The following ADGRL3 variants were observed in gnomAD, a reference collection of about 807,000 sequenced individuals.
ADGRL3 encodes the protein calcium-independent alpha-latrotoxin receptor 3.
In ADGRL3, 62 loss-of-function variants were observed where a neutral mutation model predicts 153.5. The observed-to-expected ratio is 0.40, with a 90% CI of 0.33 to 0.50. The LOEUF is 0.50. Among genes scored for constraint, ADGRL3 ranks in the 20% least tolerant of loss-of-function variants. The pLI, the probability that ADGRL3 is intolerant of heterozygous loss-of-function variation, is 0.47. For synonymous variants in ADGRL3, 710 were observed against 672.5 expected (o/e 1.06, Z -0.86); for missense variants, 1,641 against 1,859.4 (o/e 0.88, Z 2.16).
chr4:61,453,895 T>G lies in ADGRL3; in HGVS notation c.-173-43226T>G, dbSNP rs183427671. ...TAGTGGCACTAGGAACAATATTATCTGAGAGTTGCCTAAGTACCTGTCCAC... is the reference window on the plus strand; with the variant it reads ...TAGTGGCACTAGGAACAATATTATCGGAGAGTTGCCTAAGTACCTGTCCAC... On this transcript the variant is annotated intron_variant, in intron 2 of 26. Transcript: ENST00000683033. Among the ~76,000 whole-genome samples, 155 of 152,198 alleles carry G rather than the reference T, an allele frequency of 1.0e-3. 2 individuals carry two copies. The highest frequency in any genetic ancestry group is 3.6e-3 in the African/African-American group (150 of 41,558).
chr4:61,342,019 A>T, intron 1 of ADGRL3, among the ~76,000 whole-genome samples: 1 of 152,292 alleles, frequency 6.6e-6, no homozygotes, highest in South Asian at 2.1e-4. Context: ...TTGGATTATA[A>T]AATAATGTAT....
At chr4:61,857,246 A>C (rs578003665) in intron 9 of ADGRL3, among the ~76,000 whole-genome samples, 2 of 151,896 alleles carry the variant, frequency 1.3e-5, no homozygotes, top group East Asian at 3.9e-4. Context: ...CTAATTTCTT[A>C]ATCATGCTGG....
At chr4:61,741,138 C>G (rs956993993) in intron 8 of ADGRL3, among the ~76,000 whole-genome samples, 1 of 152,158 alleles carries the variant, frequency 6.6e-6, no homozygotes, top group African/African-American at 2.4e-5. Flanking sequence ...GGCAGAGAAT[C>G]CTGAACATTT....
At chr4:61,461,236 G>A (rs1018655381) in intron 2 of ADGRL3, among the ~76,000 whole-genome samples, 3 of 152,110 alleles carry the variant, frequency 2.0e-5, no homozygotes, top group Admixed American at 2.0e-4. Flanking sequence ...TTTCGGTGGG[G>A]ACACAGCAAA....
chr4:61,860,143 G>A (rs998568754), intron 9 of ADGRL3, among the ~76,000 whole-genome samples: 4 of 152,074 alleles, frequency 2.6e-5, no homozygotes, highest in Non-Finnish European at 2.9e-5. Context: ...GTTTTGGTTG[G>A]CTGGGCATTG....
intron 1 of ADGRL3, among the ~76,000 whole-genome samples, chr4:61,314,475 TG>T (rs1400203310): frequency 3.9e-5 from 6 of 152,228 alleles, no homozygotes; most frequent in African/African-American, 1.4e-4. Context: ...CCCAAAGTGC[TG>T]GGATTATAGG....
chr4:61,392,548 T>C (rs2152028623), intron 2 of ADGRL3, among the ~76,000 whole-genome samples: 1 of 151,318 alleles, frequency 6.6e-6, no homozygotes, highest in South Asian at 2.1e-4. Context: ...TAGCTGGGCA[T>C]GGTGGCTTGT....
intron 6 of ADGRL3, among the ~76,000 whole-genome samples, chr4:61,708,139 C>T (rs571147834): frequency 6.6e-6 from 1 of 152,164 alleles, no homozygotes; most frequent in Non-Finnish European, 1.5e-5. Flanking sequence ...TTTAGTACTG[C>T]AAATATTTTC....
rs1328096280 is a variant in ADGRL3 at position 61,200,453 on chromosome 4, T to G, written c.-1552T>G. Among the ~76,000 whole-genome samples the G allele has an allele frequency of 6.6e-6, 1 of 151,332 alleles. No homozygotes were observed. The highest frequency in any genetic ancestry group is 2.4e-5 in the African/African-American group (1 of 41,134). Reference sequence around the variant, plus strand: ...CGCCTGCTGGCCCGGCACCGCTCGCTCCAGTTCCCAGGAGCGGGGATGCAG... The same window carrying G: ...CGCCTGCTGGCCCGGCACCGCTCGCGCCAGTTCCCAGGAGCGGGGATGCAG... On this transcript the variant is annotated 5_prime_UTR_variant, in exon 1 of 27. Coordinates refer to ENST00000683033, the MANE Select transcript of ADGRL3 (RefSeq NM_001387552.1).
chr4:61,461,419 G>A (rs902527736), intron 2 of ADGRL3, among the ~76,000 whole-genome samples: 20 of 152,008 alleles, frequency 1.3e-4, no homozygotes, highest in African/African-American at 4.6e-4. Flanking sequence ...TTGAGGTGAT[G>A]GATGTCCTAA....
intron 1 of ADGRL3, among the ~76,000 whole-genome samples, chr4:61,349,086 A>G (rs1397793573): frequency 1.3e-5 from 2 of 152,020 alleles, no homozygotes; most frequent in African/African-American, 4.8e-5. Flanking sequence ...CTTACTCCTA[A>G]TAGTTAAGAA....
rs1173405769 is a variant in ADGRL3, at chr4:61,994,551, T to C, written c.3237-1740T>C. On this transcript the variant is annotated intron_variant, in intron 19 of 26. Coordinates refer to ENST00000683033, the MANE Select transcript of ADGRL3 (RefSeq NM_001387552.1). ...TAGCTCTTAAAATGAGTTTAAACGT[T>C]ATAGCAAAGTAAAGGAAGCCAAAAA... Among the ~76,000 whole-genome samples, 3 of 152,198 alleles carry C rather than the reference T, an allele frequency of 2.0e-5. No homozygotes were observed. The East Asian group carries it at 5.8e-4, about 29-fold the overall frequency.
intron 4 of ADGRL3, among the ~76,000 whole-genome samples, chr4:61,538,723 T>G (rs2098672513): frequency 6.6e-6 from 1 of 152,162 alleles, no homozygotes; most frequent in Admixed American, 6.5e-5. Context: ...ATTACAGACA[T>G]GAGCCACCAT....
At chr4:61,920,495 A>G (rs1409742113) in intron 13 of ADGRL3, among the ~76,000 whole-genome samples, 1 of 152,222 alleles carries the variant, frequency 6.6e-6, no homozygotes. Flanking sequence ...CCTTTATCTA[A>G]TATACGAATC....
intron 5 of ADGRL3, among the ~76,000 whole-genome samples, chr4:61,655,196 A>C (rs531199769): frequency 6.6e-6 from 1 of 152,266 alleles, no homozygotes; most frequent in South Asian, 2.1e-4. Context: ...TAAGATCTAC[A>C]CTACGTAGAT....
chr4:61,559,649 T>C (rs946106898), intron 4 of ADGRL3, among the ~76,000 whole-genome samples: 1 of 152,048 alleles, frequency 6.6e-6, no homozygotes, highest in African/African-American at 2.4e-5. Flanking sequence ...TACTTTTTTT[T>C]CTGGCATGCC....
At position 61,659,358 on chromosome 4, in the gene ADGRL3, A is replaced by G. The variant is rs539343235; in HGVS notation, c.474-17468A>G. On this transcript the variant is annotated intron_variant, in intron 5 of 26. Coordinates refer to ENST00000683033, the MANE Select transcript of ADGRL3 (RefSeq NM_001387552.1). ...CGTATCATCCGTGCATAGATGCACT[A>G]AACCTATCATACACTGATAACCTGT... 1.3e-3 allele frequency among the ~76,000 whole-genome samples: 198 copies of G among 152,328 alleles called. 1 individual carries two copies. The highest frequency in any genetic ancestry group is 2.4e-3 in the Non-Finnish European group (162 of 68,014).
chr4:61,915,628 A>G (rs1269496689), intron 13 of ADGRL3, among the ~76,000 whole-genome samples: 1 of 152,134 alleles, frequency 6.6e-6, no homozygotes, highest in African/African-American at 2.4e-5. Context: ...TTGAGTAAAC[A>G]TCTTATAAGA....
At chr4:61,224,553 A>T (rs1345948637) in intron 1 of ADGRL3, among the ~76,000 whole-genome samples, 1 of 152,226 alleles carries the variant, frequency 6.6e-6, no homozygotes, top group East Asian at 1.9e-4. Context: ...TAAGGCCAGA[A>T]AAAGAAGTGT....
Sources: gnomAD v4.1 joint callset for allele counts (sites outside exome capture counted in the v4.1 genomes callset) on GRCh38, gnomAD v4.1.1 for gene constraint, MANE v1.5 for transcripts, NCBI Gene and HGNC (gene_info 2026-07-23, HGNC 2026-07-21) for gene names.